The following ASIC2 variants were observed in gnomAD, a reference collection of about 807,000 sequenced individuals.
ASIC2 encodes the protein acid sensing ion channel subunit 2, also known as acid-sensing ion channel 2.
ASIC2 carries 25 observed loss-of-function variants against 57.3 expected under a neutral mutation model. The observed-to-expected ratio is 0.44, with a 90% CI of 0.32 to 0.61. The LOEUF (loss-of-function observed/expected upper bound fraction) is 0.61, where lower values mean the gene tolerates loss of function less well. Ranked by LOEUF, ASIC2 falls within the 20% of genes least tolerant of loss-of-function variation. The pLI, the probability that ASIC2 is intolerant of heterozygous loss-of-function variation, is 0.06. For synonymous variants in ASIC2, 319 were observed against 307.5 expected, an observed-to-expected ratio of 1.04 and a Z score of -0.39; for missense variants, 641 against 738.1, an observed-to-expected ratio of 0.87 and a Z score of 1.52.
chr17:34,086,018 T>C (rs1448701464), intron 1 of ASIC2, among the ~76,000 whole-genome samples: 1 of 151,640 alleles, frequency 6.6e-6, no homozygotes, highest in African/African-American at 2.4e-5. Flanking sequence ...TTTTGAAGGG[T>C]TTTTTGTGTC....
At chr17:33,665,094 C>T (rs1188230044) in intron 1 of ASIC2, among the ~76,000 whole-genome samples, 2 of 151,734 alleles carry the variant, frequency 1.3e-5, no homozygotes, top group African/African-American at 4.8e-5. Flanking sequence ...AAATGAGTTA[C>T]CCAAGGTCAC....
chr17:33,685,234 C>A (rs1256547405), intron 1 of ASIC2, among the ~76,000 whole-genome samples: 5 of 152,176 alleles, frequency 3.3e-5, no homozygotes, highest in African/African-American at 1.2e-4. Context: ...TAAGTAGAAA[C>A]CAATCCTTCA....
chr17:33,453,509 G>A (rs1293256466), intron 1 of ASIC2, among the ~76,000 whole-genome samples: 4 of 152,124 alleles, frequency 2.6e-5, no homozygotes, highest in Non-Finnish European at 5.9e-5. Flanking sequence ...GGAAAAGAGG[G>A]CAGAGTGTGT....
At chr17:33,419,685 G>T (rs1457959216) in intron 1 of ASIC2, among the ~76,000 whole-genome samples, 1 of 152,210 alleles carries the variant, frequency 6.6e-6, no homozygotes, top group Non-Finnish European at 1.5e-5. Context: ...AAATATGGAT[G>T]TGCAGGGATA....
At chr17:33,657,557 T>A (rs1907113892) in intron 1 of ASIC2, among the ~76,000 whole-genome samples, 1 of 152,082 alleles carries the variant, frequency 6.6e-6, no homozygotes, top group Non-Finnish European at 1.5e-5. Context: ...TGGGAATGAA[T>A]AATCACCCCA....
At chr17:33,041,834 C>T (rs1234210478) in intron 3 of ASIC2, among the ~76,000 whole-genome samples, 1 of 152,238 alleles carries the variant, frequency 6.6e-6, no homozygotes, top group East Asian at 1.9e-4. Context: ...GGGCATGACA[C>T]TCAACCTTTC....
intron 1 of ASIC2, among the ~76,000 whole-genome samples, chr17:34,048,276 C>T (rs74717763): frequency 0.014 from 2,163 of 152,290 alleles, 50 homozygotes; most frequent in East Asian, 0.059. Flanking sequence ...AACATGCTAC[C>T]TTATTTTTCT....
At chr17:33,919,910 C>T (rs1915672146) in intron 1 of ASIC2, among the ~76,000 whole-genome samples, 2 of 152,148 alleles carry the variant, frequency 1.3e-5, no homozygotes, top group Admixed American at 6.5e-5. Flanking sequence ...GGCCAACAAA[C>T]ATGAAAAAAC....
At chr17:33,918,990 T>A (rs1915649787) in intron 1 of ASIC2, among the ~76,000 whole-genome samples, 1 of 152,178 alleles carries the variant, frequency 6.6e-6, no homozygotes, top group South Asian at 2.1e-4. Flanking sequence ...TCTCTCCTGC[T>A]TTGTGATGAC....
chr17:33,263,598 A>G (rs1280993026), intron 1 of ASIC2, among the ~76,000 whole-genome samples: 1 of 146,726 alleles, frequency 6.8e-6, no homozygotes, highest in Non-Finnish European at 1.5e-5. Flanking sequence ...GGCCCCATGA[A>G]GACTGCTGTG....
chr17:33,253,294 CAG>C (rs570420602), intron 1 of ASIC2, among the ~76,000 whole-genome samples: 52 of 152,276 alleles, frequency 3.4e-4, no homozygotes, highest in Admixed American at 3.2e-3. Flanking sequence ...CAAGACCAAA[CAG>C]ATATATTACT....
chr17:34,089,157 C>T (rs1445527219), intron 1 of ASIC2, among the ~76,000 whole-genome samples: 1 of 152,248 alleles, frequency 6.6e-6, no homozygotes, highest in Non-Finnish European at 1.5e-5. Context: ...TAGACTGGAG[C>T]TGTTCCTATT....
intron 1 of ASIC2, among the ~76,000 whole-genome samples, chr17:34,128,216 T>C (rs764138563): frequency 6.6e-6 from 1 of 152,166 alleles, no homozygotes; most frequent in Non-Finnish European, 1.5e-5. Context: ...TGAGGGTTTA[T>C]TGGGTAAAGG....
intron 1 of ASIC2, among the ~76,000 whole-genome samples, chr17:33,977,148 C>T (rs986724073): frequency 1.3e-5 from 2 of 152,018 alleles, no homozygotes; most frequent in Non-Finnish European, 2.9e-5. Context: ...GAGATATTCC[C>T]TACACCGAGA....
chr17:33,451,864 G>C (rs973782244), intron 1 of ASIC2, among the ~76,000 whole-genome samples: 1 of 152,150 alleles, frequency 6.6e-6, no homozygotes, highest in African/African-American at 2.4e-5. Context: ...TAACCGCTAA[G>C]TAATTTGTGT....
intron 1 of ASIC2, among the ~76,000 whole-genome samples, chr17:33,806,491 G>T (rs1318515564): frequency 6.6e-6 from 1 of 152,204 alleles, no homozygotes; most frequent in Non-Finnish European, 1.5e-5. Context: ...GCCATCAGTA[G>T]GTTCCTGAAA....
At chr17:33,294,400 G>A (rs1220899562), upstream of ASIC2, among the ~76,000 whole-genome samples, 3 of 151,996 alleles carry the variant, frequency 2.0e-5, no homozygotes, top group African/African-American at 4.8e-5. Flanking sequence ...TGAATTAGGG[G>A]CAATTTGGCC....
At chr17:33,178,383 A>G (rs1215536865) in intron 1 of ASIC2, among the ~76,000 whole-genome samples, 1 of 152,196 alleles carries the variant, frequency 6.6e-6, no homozygotes, top group Non-Finnish European at 1.5e-5. Flanking sequence ...TGGAGCTGTG[A>G]AATTTGGAGT....
chr17:33,320,240 T>G (rs756542622), intron 1 of ASIC2, among the ~76,000 whole-genome samples: 1 of 152,166 alleles, frequency 6.6e-6, no homozygotes, highest in African/African-American at 2.4e-5. Context: ...TCTTGTAAAT[T>G]TTGAGGTATT....
Sources: gnomAD v4.1 joint callset for allele counts (sites outside exome capture counted in the v4.1 genomes callset) on GRCh38, gnomAD v4.1.1 for gene constraint, MANE v1.5 for transcripts, NCBI Gene and HGNC (gene_info 2026-07-23, HGNC 2026-07-21) for gene names.